Variants in TPRG1 observed in about 807,000 individuals in gnomAD.
The protein encoded by TPRG1 is tumor protein p63-regulated gene 1 protein.
Under a neutral mutation model 29.3 loss-of-function variants are expected in TPRG1, and 29 were observed. That is an observed-to-expected ratio of 0.99 (90% confidence interval 0.74 to 1.35). The LOEUF (loss-of-function observed/expected upper bound fraction) is 1.35. Ranked by LOEUF, TPRG1 falls within the 40% of genes most tolerant of loss-of-function variation. TPRG1 has a pLI of 0.00. For synonymous variants in TPRG1, 130 were observed against 116.8 expected (o/e 1.11, Z -0.73); for missense variants, 327 against 335.0 (o/e 0.98, Z 0.19).
At chr3:189,218,234 C>T (rs1174215486) in intron 3 of TPRG1, among the ~76,000 whole-genome samples, 1 of 152,092 alleles carries the variant, frequency 6.6e-6, no homozygotes, top group Non-Finnish European at 1.5e-5. Flanking sequence ...CTGCCTCAGC[C>T]TCCTGAGTAG....
intron 2 of TPRG1, among the ~76,000 whole-genome samples, chr3:189,128,471 A>G (rs1487805900): frequency 6.6e-6 from 1 of 152,220 alleles, no homozygotes; most frequent in Non-Finnish European, 1.5e-5. Flanking sequence ...ATACTAAAAA[A>G]GTTGTTTATC....
intron 3 of TPRG1, among the ~76,000 whole-genome samples, chr3:189,005,284 G>A (rs748019784): frequency 5.9e-5 from 9 of 152,086 alleles, no homozygotes; most frequent in Admixed American, 3.9e-4. Context: ...CCTCAGTGCC[G>A]AGTAAAGTGT....
At chr3:189,215,190 G>A (rs926216246) in intron 2 of TPRG1, 102 bp from the exon 3 acceptor site, 9 of 913,130 alleles carry the variant, frequency 9.9e-6, no homozygotes, top group Middle Eastern at 2.3e-4. Flanking sequence ...TATATCCTTT[G>A]TGACCAGCTT....
chr3:189,024,677 C>A (rs1287345455), intron 4 of TPRG1, among the ~76,000 whole-genome samples: 1 of 152,218 alleles, frequency 6.6e-6, no homozygotes, highest in Non-Finnish European at 1.5e-5. Context: ...CCCTCCTGGG[C>A]ACTCCGTTCC....
At chr3:189,117,295 G>A (rs1305856645) in intron 1 of TPRG1, among the ~76,000 whole-genome samples, 1 of 152,172 alleles carries the variant, frequency 6.6e-6, no homozygotes, top group African/African-American at 2.4e-5. Context: ...AACCATGTGG[G>A]ACATAACTGG....
intron 4 of TPRG1, among the ~76,000 whole-genome samples, chr3:189,277,578 CGT>C (rs1716383574): frequency 6.6e-6 from 1 of 151,936 alleles, no homozygotes; most frequent in Non-Finnish European, 1.5e-5. Context: ...GCAGTGAACA[CGT>C]TTGGACAGTA....
chr3:189,287,132 A>G lies in TPRG1; in HGVS notation c.480-23254A>G, dbSNP rs530949569. ...GCTTGTCACCGCATGGTTGCAAGAT[A>G]GCACTGCACCGTGTAGCCTCACTCT... On this transcript the variant is annotated intron_variant, in intron 4 of 5. Transcript: ENST00000345063. Among the ~76,000 whole-genome samples, 4 of 152,162 alleles carry G rather than the reference A, an allele frequency of 2.6e-5. No homozygotes were observed. The South Asian group carries it at 8.3e-4, about 32-fold the overall frequency.
intron 3 of TPRG1, among the ~76,000 whole-genome samples, chr3:189,019,885 TATTG>T (rs1245382799): frequency 6.6e-6 from 1 of 151,210 alleles, no homozygotes; most frequent in Non-Finnish European, 1.5e-5. Flanking sequence ...GTTGGTAAGC[TATTG>T]ATTATTGCCA....
At chr3:189,206,189 G>T (rs1734339519) in intron 1 of TPRG1, among the ~76,000 whole-genome samples, 1 of 137,968 alleles carries the variant, frequency 7.2e-6, no homozygotes, top group Non-Finnish European at 1.5e-5. Flanking sequence ...TAACAAATTG[G>T]AATAATATTA....
At chr3:189,081,505 C>T (rs1483062938) in intron 4 of TPRG1, among the ~76,000 whole-genome samples, 1 of 152,022 alleles carries the variant, frequency 6.6e-6, no homozygotes, top group African/African-American at 2.4e-5. Flanking sequence ...ACATGATGAA[C>T]AATCCGAAAT....
At chr3:189,191,090 TCTTA>T (rs1173496328) in intron 1 of TPRG1, 12 of 441,130 alleles carry the variant, frequency 2.7e-5, no homozygotes, top group Non-Finnish European at 3.3e-5. Flanking sequence ...ATACATGTAT[TCTTA>T]CTTTCAAATA....
chr3:189,227,846 G>C (rs1319631018), intron 3 of TPRG1, among the ~76,000 whole-genome samples: 2 of 152,198 alleles, frequency 1.3e-5, no homozygotes, highest in Non-Finnish European at 2.9e-5. Context: ...TTCTGGCCAG[G>C]CACAGTGGCT....
At chr3:189,253,614 C>G (rs1742619991) in intron 4 of TPRG1, among the ~76,000 whole-genome samples, 1 of 152,000 alleles carries the variant, frequency 6.6e-6, no homozygotes, top group South Asian at 2.1e-4. Context: ...GGGTGTATAC[C>G]CAGTAGTGGG....
At chr3:189,295,965 T>A (rs1576993509) in intron 4 of TPRG1, among the ~76,000 whole-genome samples, 1 of 150,150 alleles carries the variant, frequency 6.7e-6, no homozygotes, top group Non-Finnish European at 1.5e-5. Flanking sequence ...TTGACCAGGA[T>A]AGGAGTTTGC....
chr3:189,110,711 A>G (rs1720406502), intron 1 of TPRG1, among the ~76,000 whole-genome samples: 1 of 152,040 alleles, frequency 6.6e-6, no homozygotes, highest in African/African-American at 2.4e-5. Flanking sequence ...TAGGTTTGTG[A>G]TCCAATTTCA....
intron 1 of TPRG1, among the ~76,000 whole-genome samples, chr3:189,200,863 C>T (rs1309047040): frequency 6.6e-6 from 1 of 152,142 alleles, no homozygotes; most frequent in Non-Finnish European, 1.5e-5. Context: ...TATATTGAAA[C>T]ATAATCCCCT....
chr3:189,186,995 T>TTG (rs1553918406), intron 1 of TPRG1, among the ~76,000 whole-genome samples: 4 of 144,906 alleles, frequency 2.8e-5, no homozygotes, highest in Non-Finnish European at 6.0e-5. Context: ...GTTTTTTTTT[T>TTG]TTTTTTTTTT....
Position 189,207,272 on chromosome 3 carries a change from A to G in TPRG1, c.-9-104A>G, listed in dbSNP as rs954750696. On this transcript the variant is annotated intron_variant, in intron 1 of 5. Coordinates refer to ENST00000345063, the MANE Select transcript of TPRG1 (RefSeq NM_198485.4). ...TTAGTTAACATGAAGGATGTTTTTA[A>G]GTTTCAGGAATTCCGTTTGCTCATC... The G allele has an allele frequency of 1.7e-5, 25 of 1,461,940 alleles. No homozygotes were observed. The African/African-American group carries it at 3.1e-4, about 18-fold the overall frequency. The allele number at this position is 1,461,940 out of a possible 1,614,324, so 90.6% of individuals were successfully genotyped here.
At chr3:189,222,584 T>G (rs977028619) in intron 3 of TPRG1, among the ~76,000 whole-genome samples, 6 of 152,314 alleles carry the variant, frequency 3.9e-5, no homozygotes, top group Admixed American at 3.9e-4. Context: ...CCAGGCCTAC[T>G]GAACACAAAT....
Sources: gnomAD v4.1 joint callset for allele counts (sites outside exome capture counted in the v4.1 genomes callset) on GRCh38, gnomAD v4.1.1 for gene constraint, MANE v1.5 for transcripts, NCBI Gene and HGNC (gene_info 2026-07-23, HGNC 2026-07-21) for gene names.